The following PTPN21 variants were observed in gnomAD, a reference collection of about 807,000 sequenced individuals.
The protein encoded by PTPN21 is tyrosine-protein phosphatase non-receptor type 21.
In PTPN21, 77 loss-of-function variants were observed where a neutral mutation model predicts 131.8. The observed-to-expected ratio is 0.58, with a 90% CI of 0.49 to 0.71. The LOEUF (loss-of-function observed/expected upper bound fraction) is 0.71. Ranked by LOEUF, PTPN21 falls within the 30% of genes least tolerant of loss-of-function variation. The pLI, the probability that PTPN21 is intolerant of heterozygous loss-of-function variation, is 0.00. For missense variants in PTPN21, 1,552 were observed against 1,527.1 expected, an observed-to-expected ratio of 1.02 and a Z score of -0.27; for synonymous variants, 715 against 621.3, an observed-to-expected ratio of 1.15 and a Z score of -2.24.
In PTPN21 at chr14:88,497,347, G is replaced by A. The variant is rs1355254438; in HGVS notation, c.765-57C>T. On this transcript the variant is annotated intron_variant, in intron 8 of 18. Coordinates refer to ENST00000556564, the MANE Select transcript of PTPN21 (RefSeq NM_007039.4). ...TGAGTGCCCATGGGGGAAACAAGGA[G>A]ATAGAATACACAAGTTTTCCCTAAG... 13 of 1,351,816 alleles carry A rather than the reference G, an allele frequency of 9.6e-6. No individual in the cohort carries two copies. In the East Asian group the frequency reaches 2.5e-4, roughly 26 times the overall value. 83.7% of individuals were successfully genotyped at this position (1,351,816 alleles called of 1,614,324 possible). A position where few individuals can be genotyped will look rare whatever the true frequency, so the allele number is the denominator to read the frequency against.
intron 2 of PTPN21, chr14:88,547,720 C>T (rs1056472291): frequency 6.6e-6 from 3 of 452,488 alleles, no homozygotes; most frequent in African/African-American, 4.0e-5. Flanking sequence ...TTTCTTTCTT[C>T]TTCTTCGGCA....
intron 2 of PTPN21, among the ~76,000 whole-genome samples, chr14:88,541,587 T>A (rs1350796373): frequency 6.6e-6 from 1 of 152,138 alleles, no homozygotes; most frequent in Non-Finnish European, 1.5e-5. Context: ...GGATCTACCA[T>A]CAGCAGGACA....
chr14:88,495,013 CAAAAAAA>C (rs386382090), intron 10 of PTPN21, among the ~76,000 whole-genome samples: 32 of 49,190 alleles, frequency 6.5e-4, no homozygotes, highest in Admixed American at 2.0e-3. Context: ...ACTCTGTCTC[CAAAAAAA>C]AAAAAAAAAA....
intron 2 of PTPN21, among the ~76,000 whole-genome samples, chr14:88,530,551 A>C (rs1193338266): frequency 6.6e-6 from 1 of 152,188 alleles, no homozygotes; most frequent in African/African-American, 2.4e-5. Flanking sequence ...TTCATCTAAC[A>C]CATAAGAACT....
chr14:88,511,509 A>G (rs1453702254), intron 3 of PTPN21, among the ~76,000 whole-genome samples: 1 of 151,956 alleles, frequency 6.6e-6, no homozygotes, highest in Admixed American at 6.6e-5. Context: ...CATCTCCACT[A>G]AAAAATACAA....
At chr14:88,512,779 A>G (rs2078205711) in intron 3 of PTPN21, among the ~76,000 whole-genome samples, 1 of 152,190 alleles carries the variant, frequency 6.6e-6, no homozygotes, top group African/African-American at 2.4e-5. Context: ...GCTAACAACT[A>G]CCTTACTGAA....
chr14:88,521,854 G>A (rs1840927814), intron 2 of PTPN21, among the ~76,000 whole-genome samples: 2 of 152,044 alleles, frequency 1.3e-5, no homozygotes, highest in Admixed American at 1.3e-4. Context: ...TGTATAATTT[G>A]TGGTTGTACC....
intron 2 of PTPN21, among the ~76,000 whole-genome samples, chr14:88,542,060 AG>A (rs1466326064): frequency 1.3e-5 from 2 of 152,330 alleles, no homozygotes; most frequent in Middle Eastern, 3.4e-3. Context: ...ACAAATTTAA[AG>A]GTCAAAGTTC....
intron 10 of PTPN21, chr14:88,493,084 C>T (rs1343131625): frequency 2.2e-6 from 1 of 456,452 alleles, no homozygotes; most frequent in Non-Finnish European, 4.4e-6. Flanking sequence ...TGTGGCAGGG[C>T]AAGACATTTC....
chr14:88,480,412 ACT>A, intron 12 of PTPN21, 60 bp from the exon 13 acceptor site: 1 of 1,303,352 alleles, frequency 7.7e-7, no homozygotes, highest in Non-Finnish European at 1.1e-6. Context: ...CCAACCAAAT[ACT>A]GAGATCGGCC....
At chr14:88,546,396 T>TAA (rs34744168) in intron 2 of PTPN21, among the ~76,000 whole-genome samples, 57 of 142,142 alleles carry the variant, frequency 4.0e-4, no homozygotes, top group South Asian at 1.6e-3. Context: ...CATCTCTACT[T>TAA]AAAAAAAAAA....
chr14:88,551,040 C>A (rs557417707), intron 1 of PTPN21, among the ~76,000 whole-genome samples: 29 of 152,294 alleles, frequency 1.9e-4, no homozygotes, highest in African/African-American at 6.7e-4. Context: ...CCCAAAAGAG[C>A]TAGGTTTCAG....
intron 10 of PTPN21, chr14:88,493,183 G>T (rs1192799817): frequency 4.7e-6 from 2 of 422,084 alleles, no homozygotes; most frequent in African/African-American, 4.1e-5. Flanking sequence ...GAAAATAAAA[G>T]CTCTCAGTAT....
chr14:88,495,721 T>C (rs1052598745), intron 10 of PTPN21, among the ~76,000 whole-genome samples: 3 of 152,152 alleles, frequency 2.0e-5, no homozygotes, highest in African/African-American at 7.2e-5. Context: ...GGTGGTGTCC[T>C]GGCAGCCGAA....
intron 10 of PTPN21, among the ~76,000 whole-genome samples, chr14:88,491,382 C>T (rs2077821800): frequency 1.3e-5 from 2 of 152,104 alleles, no homozygotes; most frequent in Non-Finnish European, 2.9e-5. Flanking sequence ...CTGTGCAAGT[C>T]GAGTCTATCT....
intron 15 of PTPN21, among the ~76,000 whole-genome samples, chr14:88,471,188 A>G (rs1191063512): frequency 6.6e-6 from 1 of 152,210 alleles, no homozygotes; most frequent in Non-Finnish European, 1.5e-5. Context: ...AGTCTCCAGA[A>G]AGCCTTGGTG....
chr14:88,487,090 CAAT>C (rs563293997), intron 10 of PTPN21, among the ~76,000 whole-genome samples: 7 of 146,790 alleles, frequency 4.8e-5, no homozygotes, highest in Non-Finnish European at 9.0e-5. Context: ...TTTAAAAAAA[CAAT>C]AAGGTAAAAA....
chr14:88,539,174 C>T (rs1182110135), intron 2 of PTPN21, among the ~76,000 whole-genome samples: 19 of 151,748 alleles, frequency 1.3e-4, no homozygotes, highest in Non-Finnish European at 4.4e-5. Context: ...ACCTCCACCT[C>T]CTGGGTTCAA....
intron 2 of PTPN21, among the ~76,000 whole-genome samples, chr14:88,530,208 T>C (rs1259917117): frequency 1.4e-5 from 2 of 143,280 alleles, no homozygotes; most frequent in South Asian, 2.1e-4. Flanking sequence ...GATAAAGTCT[T>C]TTTCAGACAA....
Sources: gnomAD v4.1 joint callset for allele counts (sites outside exome capture counted in the v4.1 genomes callset) on GRCh38, gnomAD v4.1.1 for gene constraint, MANE v1.5 for transcripts, NCBI Gene and HGNC (gene_info 2026-07-23, HGNC 2026-07-21) for gene names.